LMNB1: variants seen among roughly 807,000 people sequenced by gnomAD.
LMNB1 encodes lamin B1, also known as lamin-B1.
A neutral mutation model predicts 67.1 loss-of-function variants in LMNB1; 23 were observed. That is an observed-to-expected ratio of 0.34 (90% confidence interval 0.25 to 0.49). The LOEUF (loss-of-function observed/expected upper bound fraction) is 0.49. LMNB1 is among the 20% of genes least tolerant of loss of function. The pLI, the probability that LMNB1 is intolerant of heterozygous loss-of-function variation, is 0.99. For synonymous variants in LMNB1, 281 were observed against 282.9 expected, an observed-to-expected ratio of 0.99 and a Z score of 0.07; for missense variants, 634 against 746.5, an observed-to-expected ratio of 0.85 and a Z score of 1.76.
intron 1 of LMNB1, among the ~76,000 whole-genome samples, chr5:126,781,052 G>T (rs2112917496): frequency 6.6e-6 from 1 of 152,236 alleles, no homozygotes; most frequent in East Asian, 1.9e-4. Flanking sequence ...ACTTTGAGAG[G>T]CCTAGGCAGG....
intron 5 of LMNB1, among the ~76,000 whole-genome samples, chr5:126,817,221 C>A (rs1751733405): frequency 6.6e-6 from 1 of 152,318 alleles, no homozygotes; most frequent in South Asian, 2.1e-4. Flanking sequence ...AGCTTGGCCA[C>A]TATGTCCCAT....
chr5:126,808,904 C>G (rs1179875016), intron 3 of LMNB1, among the ~76,000 whole-genome samples: 1 of 150,810 alleles, frequency 6.6e-6, no homozygotes. Context: ...GAGACGGAGT[C>G]CAGCTCAGCT....
intron 6 of LMNB1, chr5:126,819,351 C>T: frequency 4.5e-6 from 2 of 443,214 alleles, no homozygotes; most frequent in Non-Finnish European, 4.0e-6. Context: ...ATTATTATTA[C>T]TTTAAATGCT....
At position 126,788,423 on chromosome 5, in the gene LMNB1, G is replaced by A. The variant is rs182193564; in HGVS notation, c.359+10556G>A. ...GAGGCTGAGTGTGTGGATCACTTGA[G>A]GCCAGGAGTTTGAGACCAGCCTGGG... On this transcript the variant is annotated intron_variant, in intron 1 of 10. Transcript: ENST00000261366. Among the ~76,000 whole-genome samples, 3 of 152,210 alleles carry A rather than the reference G, an allele frequency of 2.0e-5. No homozygotes were observed. The East Asian group carries it at 5.8e-4, about 29-fold the overall frequency.
chr5:126,820,159 G>GA (rs904850855), intron 6 of LMNB1, among the ~76,000 whole-genome samples: 8 of 150,462 alleles, frequency 5.3e-5, no homozygotes, highest in Non-Finnish European at 3.0e-5. Context: ...AAAAGAAAAA[G>GA]AAAAAAAAAG....
chr5:126,808,992 C>T (rs1374518623), intron 3 of LMNB1, among the ~76,000 whole-genome samples: 2 of 152,058 alleles, frequency 1.3e-5, no homozygotes, highest in Non-Finnish European at 2.9e-5. Flanking sequence ...TCTCCCATCT[C>T]AGCCTCCTGA....
chr5:126,831,905 C>A (rs941278172), intron 9 of LMNB1, among the ~76,000 whole-genome samples: 6 of 152,088 alleles, frequency 3.9e-5, no homozygotes, highest in Non-Finnish European at 7.4e-5. Flanking sequence ...ACTAATTATG[C>A]GGAAATTTCA....
intron 5 of LMNB1, among the ~76,000 whole-genome samples, chr5:126,817,870 T>C (rs1751752486): frequency 6.6e-6 from 1 of 152,180 alleles, no homozygotes; most frequent in Non-Finnish European, 1.5e-5. Flanking sequence ...CATCAGTCTT[T>C]TTGAGTTGTC....
At chr5:126,835,444 C>T (rs986027725) in intron 10 of LMNB1, among the ~76,000 whole-genome samples, 34 of 152,172 alleles carry the variant, frequency 2.2e-4, no homozygotes, top group African/African-American at 8.0e-4. Flanking sequence ...GTTGACTTCA[C>T]CTTGGAGGAC....
chr5:126,780,058 G>T lies in LMNB1; in HGVS notation c.359+2191G>T, dbSNP rs113339553. Among the ~76,000 whole-genome samples, 1,060 of 152,040 alleles carry T rather than the reference G, an allele frequency of 7.0e-3. 11 individuals carry two copies. The highest frequency in any genetic ancestry group is 0.024 in the African/African-American group (1,012 of 41,480). On this transcript the variant is annotated intron_variant, in intron 1 of 10. Transcript: ENST00000261366. Reference sequence around the variant, plus strand: ...AAAAGAAAAAAAATCCGGGCGTGGTGGCGGGCGTCTGTAATCCCAGCTACT... The same window carrying T: ...AAAAGAAAAAAAATCCGGGCGTGGTTGCGGGCGTCTGTAATCCCAGCTACT...
chr5:126,781,651 G>A (rs1304951060), intron 1 of LMNB1, among the ~76,000 whole-genome samples: 2 of 152,086 alleles, frequency 1.3e-5, no homozygotes, highest in Non-Finnish European at 2.9e-5. Context: ...GGCCAGGCTG[G>A]TCTCCAACTC....
At chr5:126,798,694 CTG>C (rs1185478450) in intron 1 of LMNB1, among the ~76,000 whole-genome samples, 3 of 151,104 alleles carry the variant, frequency 2.0e-5, no homozygotes, top group Admixed American at 6.6e-5. Context: ...TTGTGTGTGT[CTG>C]TGTGTGTGAT....
At chr5:126,834,112 T>C (rs1752194672) in intron 10 of LMNB1, among the ~76,000 whole-genome samples, 2 of 152,246 alleles carry the variant, frequency 1.3e-5, no homozygotes, top group Admixed American at 1.3e-4. Context: ...TTTAGGTCTC[T>C]TTCTGTGTGG....
At chr5:126,803,389 G>A (rs1218390103) in intron 1 of LMNB1, among the ~76,000 whole-genome samples, 1 of 151,442 alleles carries the variant, frequency 6.6e-6, no homozygotes, top group South Asian at 2.1e-4. Flanking sequence ...GGGATTACAG[G>A]CATGCGCCTC....
chr5:126,810,576 G>A (rs1197623212), intron 4 of LMNB1, among the ~76,000 whole-genome samples: 1 of 152,168 alleles, frequency 6.6e-6, no homozygotes, highest in Non-Finnish European at 1.5e-5. Context: ...TTTTATTAGA[G>A]GTTAGGTTTT....
chr5:126,793,448 T>C (rs1455319417), intron 1 of LMNB1, among the ~76,000 whole-genome samples: 1 of 152,232 alleles, frequency 6.6e-6, no homozygotes, highest in Non-Finnish European at 1.5e-5. Context: ...GCTAATTCTT[T>C]GACAGATTAG....
chr5:126,793,652 A>G (rs113432923), intron 1 of LMNB1, among the ~76,000 whole-genome samples: 2,452 of 152,262 alleles, frequency 0.016, 30 homozygotes, highest in Middle Eastern at 0.027. Flanking sequence ...AGGCAGGTGG[A>G]TCTCCTGAGG....
chr5:126,782,416 T>C (rs574925752), intron 1 of LMNB1, among the ~76,000 whole-genome samples: 26 of 152,220 alleles, frequency 1.7e-4, no homozygotes, highest in Non-Finnish European at 3.5e-4. Context: ...GGGAAAGATA[T>C]TGTCATGGCA....
At chr5:126,829,951 T>C (rs1261350791) in intron 9 of LMNB1, among the ~76,000 whole-genome samples, 1 of 152,190 alleles carries the variant, frequency 6.6e-6, no homozygotes, top group East Asian at 1.9e-4. Flanking sequence ...AACAAGATGT[T>C]TTTTATGAGG....
Sources: gnomAD v4.1 joint callset for allele counts (sites outside exome capture counted in the v4.1 genomes callset) on GRCh38, gnomAD v4.1.1 for gene constraint, MANE v1.5 for transcripts, NCBI Gene and HGNC (gene_info 2026-07-23, HGNC 2026-07-21) for gene names.